ARHGAP25: variants seen among roughly 807,000 people sequenced by gnomAD.
The protein encoded by ARHGAP25 is rho GTPase-activating protein 25.
In ARHGAP25, 34 loss-of-function variants were observed where a neutral mutation model predicts 71.0. The observed-to-expected ratio is 0.48, with a 90% confidence interval of 0.36 to 0.64. The LOEUF is 0.64. Among genes scored for constraint, ARHGAP25 ranks in the 30% least tolerant of loss-of-function variants. The pLI is 0.00. For synonymous variants in ARHGAP25, 282 were observed against 296.5 expected, an observed-to-expected ratio of 0.95 and a Z score of 0.50; for missense variants, 706 against 805.1, an observed-to-expected ratio of 0.88 and a Z score of 1.49.
At chr2:68,789,762 G>C (rs1235844343) in intron 4 of ARHGAP25, among the ~76,000 whole-genome samples, 1 of 152,104 alleles carries the variant, frequency 6.6e-6, no homozygotes, top group Non-Finnish European at 1.5e-5. Context: ...ACTAGGTTCT[G>C]TGGCTACTGT....
chr2:68,749,284 C>A (rs1263094423), intron 1 of ARHGAP25, among the ~76,000 whole-genome samples: 1 of 152,112 alleles, frequency 6.6e-6, no homozygotes, highest in African/African-American at 2.4e-5. Flanking sequence ...TTTCATTTTG[C>A]ACTGGGCTCT....
chr2:68,791,490 A>G (rs995586099), intron 4 of ARHGAP25, among the ~76,000 whole-genome samples: 4 of 151,562 alleles, frequency 2.6e-5, no homozygotes, highest in African/African-American at 9.7e-5. Flanking sequence ...TAATTATAAT[A>G]TCTTCCTCCA....
intron 1 of ARHGAP25, among the ~76,000 whole-genome samples, chr2:68,758,895 T>C (rs890388947): frequency 2.0e-5 from 3 of 151,958 alleles, no homozygotes; most frequent in Non-Finnish European, 4.4e-5. Flanking sequence ...GTAGGTATCG[T>C]ACAAAGTATC....
chr2:68,719,977 A>G (rs1335012942), intron 2 of ARHGAP25, among the ~76,000 whole-genome samples: 1 of 152,176 alleles, frequency 6.6e-6, no homozygotes, highest in Non-Finnish European at 1.5e-5. Flanking sequence ...TGTCGCGTTC[A>G]CTGATCTAAA....
intron 4 of ARHGAP25, among the ~76,000 whole-genome samples, chr2:68,801,822 G>A (rs7559836): frequency 2.0e-5 from 3 of 152,206 alleles, no homozygotes; most frequent in Admixed American, 1.3e-4. Context: ...AGAGTGACCA[G>A]TTTTCTCTGA....
intron 1 of ARHGAP25, among the ~76,000 whole-genome samples, chr2:68,762,348 T>C (rs910634584): frequency 1.2e-4 from 19 of 152,214 alleles, no homozygotes; most frequent in Non-Finnish European, 1.5e-4. Flanking sequence ...TTAATACTAC[T>C]GAACTGTACA....
At chr2:68,716,917 A>G (rs1314898629) in intron 2 of ARHGAP25, among the ~76,000 whole-genome samples, 1 of 152,048 alleles carries the variant, frequency 6.6e-6, no homozygotes, top group Non-Finnish European at 1.5e-5. Context: ...GACATTCAAT[A>G]TTTTTCGCAG....
At chr2:68,823,292 T>C (rs1681846453) in intron 10 of ARHGAP25, among the ~76,000 whole-genome samples, 1 of 134,454 alleles carries the variant, frequency 7.4e-6, no homozygotes, top group Admixed American at 7.4e-5. Flanking sequence ...TCCCTGCACT[T>C]ACAGAACTTC....
intron 4 of ARHGAP25, among the ~76,000 whole-genome samples, chr2:68,792,501 C>T (rs1259990278): frequency 2.0e-5 from 3 of 152,208 alleles, no homozygotes; most frequent in Admixed American, 1.3e-4. Context: ...TAAGTCAGAA[C>T]ATGTGATATC....
At position 68,819,054 on chromosome 2, in the gene ARHGAP25, T is replaced by G. The variant is rs554864462; in HGVS notation, c.1004-69T>G. 2.9e-6 allele frequency: 4 copies of G among 1,363,316 alleles called. No homozygotes were observed. The South Asian group carries it at 6.1e-5, about 21-fold the overall frequency. The allele number at this position is 1,363,316 out of a possible 1,614,324, so 84.5% of individuals were successfully genotyped here. Reference sequence around the variant, plus strand: ...AACCGAGTTTGGAGACATCCACGGGTGGGGATCCTTGAGGACTGACTACCT... The same window carrying G: ...AACCGAGTTTGGAGACATCCACGGGGGGGGATCCTTGAGGACTGACTACCT... On this transcript the variant is annotated intron_variant, in intron 8 of 10. Transcript: ENST00000409202.
chr2:68,805,066 TATG>T (rs1680266249), intron 4 of ARHGAP25, among the ~76,000 whole-genome samples: 2 of 152,134 alleles, frequency 1.3e-5, no homozygotes, highest in South Asian at 4.1e-4. Context: ...GCATGGCAGA[TATG>T]ATGATATTTG....
chr2:68,780,678 C>T (rs773411029), intron 2 of ARHGAP25, among the ~76,000 whole-genome samples: 2 of 151,774 alleles, frequency 1.3e-5, no homozygotes, highest in Non-Finnish European at 2.9e-5. Flanking sequence ...TTCTCCTGCC[C>T]TTTCTGTTCC....
At chr2:68,745,573 G>A (rs1558610168) in intron 1 of ARHGAP25, among the ~76,000 whole-genome samples, 1 of 152,166 alleles carries the variant, frequency 6.6e-6, no homozygotes, top group African/African-American at 2.4e-5. Flanking sequence ...CTTAGTGCCT[G>A]TAACTGGACA....
In ARHGAP25 at chr2:68,816,100, A is replaced by T. The variant is rs575343110; in HGVS notation, c.808-189A>T. The T allele has an allele frequency of 2.5e-3, 1,607 of 654,662 alleles. 4 individuals are homozygous for T. The highest frequency in any genetic ancestry group is 3.8e-3 in the Non-Finnish European group (1,383 of 360,846). The allele number at this position is 654,662 out of a possible 1,614,324, so 40.6% of individuals were successfully genotyped here. On this transcript the variant is annotated intron_variant, in intron 6 of 10. Transcript: ENST00000409202. Reference sequence around the variant, plus strand: ...ACATAACAAAAACTATGACCCTTTTAAAAAAAATTCTGTGAGAATTGAGTT... The same window carrying T: ...ACATAACAAAAACTATGACCCTTTTTAAAAAAATTCTGTGAGAATTGAGTT...
intron 4 of ARHGAP25, among the ~76,000 whole-genome samples, chr2:68,799,728 G>A (rs1679829970): frequency 6.6e-6 from 1 of 152,216 alleles, no homozygotes; most frequent in Admixed American, 6.5e-5. Flanking sequence ...AAAGGTGAGT[G>A]GCGAGGGGAA....
At chr2:68,764,023 G>A (rs535334429) in intron 1 of ARHGAP25, among the ~76,000 whole-genome samples, 9 of 152,250 alleles carry the variant, frequency 5.9e-5, no homozygotes, top group Admixed American at 6.5e-5. Flanking sequence ...CTCTCCAGCC[G>A]TTTTGCAATC....
intron 2 of ARHGAP25, among the ~76,000 whole-genome samples, chr2:68,716,105 G>T (rs529855855): frequency 6.6e-6 from 1 of 152,224 alleles, no homozygotes; most frequent in South Asian, 2.1e-4. Context: ...CCACTGACAG[G>T]CTTCCAGAAG....
At chr2:68,801,911 G>A (rs949517522) in intron 4 of ARHGAP25, among the ~76,000 whole-genome samples, 1 of 152,148 alleles carries the variant, frequency 6.6e-6, no homozygotes, top group African/African-American at 2.4e-5. Context: ...TTTTTTAAAA[G>A]CAAAAACCAT....
intron 1 of ARHGAP25, among the ~76,000 whole-genome samples, chr2:68,765,911 G>A (rs113525279): frequency 3.4e-4 from 51 of 152,162 alleles, no homozygotes; most frequent in African/African-American, 1.2e-3. Context: ...CTGGAGTGAC[G>A]TCTGTTAGGC....
Sources: allele counts gnomAD v4.1 joint callset (sites outside exome capture counted in the v4.1 genomes callset), GRCh38; gene constraint gnomAD v4.1.1; transcripts MANE v1.5; gene names NCBI Gene and HGNC (gene_info 2026-07-23, HGNC 2026-07-21).